SLC37A2: variants seen among roughly 807,000 people sequenced by gnomAD.
SLC37A2 encodes glucose-6-phosphate exchanger SLC37A2.
SLC37A2 carries 59 observed loss-of-function variants against 70.7 expected under a neutral mutation model. That is an observed-to-expected ratio of 0.83 (90% CI 0.68 to 1.04). SLC37A2 has a LOEUF of 1.04. SLC37A2 is among the 50% of genes least tolerant of loss of function. The pLI is 0.00. For synonymous variants in SLC37A2, 257 were observed against 262.1 expected, an observed-to-expected ratio of 0.98 and a Z score of 0.19; for missense variants, 580 against 658.1, an observed-to-expected ratio of 0.88 and a Z score of 1.30.
chr11:125,079,616 G>T (rs759266700), intron 5 of SLC37A2, 68 bp from the exon 6 acceptor site: 1 of 1,274,620 alleles, frequency 7.8e-7, no homozygotes, highest in Non-Finnish European at 1.1e-6. Context: ...TCAGCCCAGG[G>T]TGGTCAGAGC....
rs1949128520 is a variant in SLC37A2, at chr11:125,079,844, T to C, written c.527+84T>C. ...GGTCACCGTGGCCTCTGATGTAATT[T>C]CAGAGGGAAGGGTCAGAAAGCGGCC... On this transcript the variant is annotated intron_variant, in intron 6 of 17. Transcript: ENST00000403796. 4 of 1,082,564 alleles carry C rather than the reference T, an allele frequency of 3.7e-6. No individual in the cohort carries two copies. In the East Asian group the frequency reaches 7.4e-5, roughly 20 times the overall value. The allele number at this position is 1,082,564 out of a possible 1,614,324, so 67.1% of individuals were successfully genotyped here. A position where few individuals can be genotyped will look rare whatever the true frequency, so the allele number is the denominator to read the frequency against.
At chr11:125,071,410 A>C (rs1949027985) in intron 1 of SLC37A2, among the ~76,000 whole-genome samples, 2 of 152,346 alleles carry the variant, frequency 1.3e-5, no homozygotes, top group African/African-American at 2.4e-5. Context: ...TCCCTGCTGC[A>C]GCATGAAGGC....
At chr11:125,082,022 T>G in intron 9 of SLC37A2, 116 bp downstream of exon 9, 1 of 1,270,338 alleles carries the variant, frequency 7.9e-7, no homozygotes, top group South Asian at 1.5e-5. Context: ...ATAGGGGAGG[T>G]GTAAGTTGGG....
rs564025212 is a variant in SLC37A2, at chr11:125,079,140, C to G, written c.343C>G (p.Arg115Gly). Residue 115 changes from arginine to glycine, a missense_variant, in exon 5 of 18, where the codon CGT (arginine) becomes GGT (glycine). By Grantham distance (125) the Arg-to-Gly change is moderately radical. Transcript: ENST00000403796. Reference protein sequence around the residue: ...SGVFGERLPLRYYLSAGMLLS... With the variant: ...SGVFGERLPLGYYLSAGMLLS... The stretch of plus-strand genomic sequence containing the variant: ...GGTTTTTGGGGAGCGGCTTCCGCTC[C>G]GTTACTACCTCTCAGCTGGAATGCT... The G allele has an allele frequency of 1.2e-6, 2 of 1,614,208 alleles. No individual in the cohort carries two copies. The highest frequency in any genetic ancestry group is 2.2e-5 in the South Asian group (2 of 91,088).
At chr11:125,064,224 G>A (rs148416739) in intron 1 of SLC37A2, among the ~76,000 whole-genome samples, 2,242 of 152,254 alleles carry the variant, frequency 0.015, 55 homozygotes, top group African/African-American at 0.051. Flanking sequence ...GACCGGGCAT[G>A]GTGGTTCATG....
At chr11:125,081,316 TC>T in intron 7 of SLC37A2, 104 bp from the exon 8 acceptor site, 1 of 1,148,572 alleles carries the variant, frequency 8.7e-7, no homozygotes, top group Non-Finnish European at 1.2e-6. Context: ...CGGGGCTGGT[TC>T]CCGGGATGGC....
rs1949141017 is a variant in SLC37A2 at position 125,080,999 on chromosome 11, A to G, written c.694+219A>G. The stretch of plus-strand genomic sequence containing the variant: ...TTTCTGCAGGCTTAACTGAGACACC[A>G]TAGTTAAAATGCCAGGCCCACAGGA... On this transcript the variant is annotated intron_variant, in intron 7 of 17. Coordinates refer to ENST00000403796, the MANE Select transcript of SLC37A2 (RefSeq NM_001145290.2). The surrounding 1 kb of genome is among the most constrained non-coding windows in gnomAD (Gnocchi z 4.3). Among the ~76,000 whole-genome samples the G allele has an allele frequency of 6.6e-6, 1 of 152,196 alleles. No homozygotes were observed. Among genetic ancestry groups the G allele is most frequent in the South Asian group, 2.1e-4 (1 of 4,826 alleles).
rs558890234 is a variant in SLC37A2, at chr11:125,063,412, C to A, written c.45C>A (p.Phe15Leu). 6.2e-7 allele frequency: 1 copy of A among 1,611,862 alleles called. No homozygotes were observed. The highest frequency in any genetic ancestry group is 1.7e-5 in the Admixed American group (1 of 59,872). Residue 15 changes from phenylalanine (F) to leucine (L), a missense_variant, in exon 1 of 18, where the codon TTC becomes TTA. Transcript: ENST00000403796. The surrounding 1 kb of genome is among the most constrained non-coding windows in gnomAD (Gnocchi z 5.4). ...LAPGVWFFRA[F>L]SRDSWFRGLI... ...CGGGAGTCTGGTTCTTCCGGGCCTT[C>A]TCCAGGGACAGCTGGTGAGCGGGGC...
chr11:125,081,780 C>A lies in SLC37A2; in HGVS notation c.759C>A (p.Asn253Lys). 1 of 1,609,964 alleles carries A rather than the reference C, an allele frequency of 6.2e-7. No homozygotes were observed. Among genetic ancestry groups the A allele is most frequent in the East Asian group, 2.2e-5 (1 of 44,814 alleles). Reference protein sequence around the residue: ...HHGEPAENQDNPEDPGNSPCS... With the variant: ...HHGEPAENQDKPEDPGNSPCS... ...GTGAGCCAGCTGAGAACCAGGACAA[C>A]CCTGAGGACCCTGGGAACAGTCCCT... Residue 253 changes from asparagine to lysine, a missense_variant, in exon 9 of 18, where the codon AAC becomes AAA. Transcript: ENST00000403796.
intron 1 of SLC37A2, among the ~76,000 whole-genome samples, chr11:125,066,994 T>TATTTTATTTTATTTTATTTTA (rs1565393476): frequency 2.6e-5 from 4 of 152,116 alleles, no homozygotes; most frequent in African/African-American, 9.7e-5. Context: ...TATTTTATTT[T>TATTTTATTTTATTTTATTTTA]TTCGAGACAA....
Position 125,088,252 on chromosome 11 carries a change from A to G in SLC37A2, c.*118A>G. ...AGGCAAACCCTCTTTATTGAACATT[A>G]GCCAGCCCAGCCCAGACCCCAGGGC... On this transcript the variant is annotated 3_prime_UTR_variant, in exon 18 of 18. Transcript: ENST00000403796. 1 of 1,219,808 alleles carries G rather than the reference A, an allele frequency of 8.2e-7. No homozygotes were observed. The highest frequency in any genetic ancestry group is 1.2e-6 in the Non-Finnish European group (1 of 852,804). The allele number at this position is 1,219,808 out of a possible 1,614,324, so 75.6% of individuals were successfully genotyped here. A position where few individuals can be genotyped will look rare whatever the true frequency, so the allele number is the denominator to read the frequency against.
intron 1 of SLC37A2, among the ~76,000 whole-genome samples, chr11:125,067,026 T>C (rs1486239006): frequency 2.6e-5 from 4 of 151,990 alleles, no homozygotes; most frequent in Non-Finnish European, 5.9e-5. Context: ...ATCACCCAGA[T>C]TGTAGTGCAG....
At chr11:125,069,192 A>T (rs2135559720) in intron 1 of SLC37A2, among the ~76,000 whole-genome samples, 1 of 152,356 alleles carries the variant, frequency 6.6e-6, no homozygotes, top group South Asian at 2.1e-4. Flanking sequence ...GGTGAATGTT[A>T]GCTTCCCTGT....
chr11:125,087,793 C>T (rs1017005923), intron 17 of SLC37A2: 70 of 224,558 alleles, frequency 3.1e-4, no homozygotes, highest in Non-Finnish European at 1.6e-4. Flanking sequence ...CCACCACGCC[C>T]GGCTAATTTT....
chr11:125,082,225 C>T lies in SLC37A2; in HGVS notation c.886-19C>T. On this transcript the variant is annotated intron_variant, in intron 9 of 17. Coordinates refer to ENST00000403796, the MANE Select transcript of SLC37A2 (RefSeq NM_001145290.2). The stretch of plus-strand genomic sequence containing the variant: ...GACCTCTGGACCCCTTCCCATGTGC[C>T]CCCTGTTGCACTCCCCAGGGCGTGG... 6.2e-7 allele frequency: 1 copy of T among 1,612,168 alleles called. No homozygotes were observed. The highest frequency in any genetic ancestry group is 8.5e-7 in the Non-Finnish European group (1 of 1,178,336).
chr11:125,081,753 G>A lies in SLC37A2; in HGVS notation c.733-1G>A, dbSNP rs777951230. 6.3e-7 allele frequency: 1 copy of A among 1,592,406 alleles called. No homozygotes were observed. The highest frequency in any genetic ancestry group is 8.6e-7 in the Non-Finnish European group (1 of 1,168,720). ...CAGCAGGGCTCATCTCCTCTGCTCA[G>A]GGTGAGCCAGCTGAGAACCAGGACA... is the stretch of plus-strand genomic sequence containing the variant. On this transcript the variant is annotated splice_acceptor_variant, in intron 8 of 17. Transcript: ENST00000403796. LOFTEE classifies it high-confidence loss of function.
intron 17 of SLC37A2, 93 bp downstream of exon 17, chr11:125,086,111 T>C: frequency 6.5e-7 from 1 of 1,541,372 alleles, no homozygotes; most frequent in Admixed American, 1.7e-5. Flanking sequence ...AGGCTGAGGC[T>C]CGACCAGCCC....
intron 1 of SLC37A2, 74 bp from the exon 2 acceptor site, chr11:125,076,683 G>C (rs1949090447): frequency 6.5e-6 from 9 of 1,394,766 alleles, no homozygotes; most frequent in Non-Finnish European, 8.1e-6. Context: ...AGGGGACACG[G>C]GTCAGGGATG....
intron 1 of SLC37A2, among the ~76,000 whole-genome samples, chr11:125,074,075 C>G (rs1046763070): frequency 6.6e-6 from 1 of 152,184 alleles, no homozygotes; most frequent in Admixed American, 6.5e-5. Context: ...TTTCACCCTA[C>G]AGATACCCCC....
Sources: gnomAD v4.1 joint callset for allele counts (sites outside exome capture counted in the v4.1 genomes callset) on GRCh38, gnomAD v4.1.1 for gene constraint, Gnocchi (gnomAD v3.1) non-coding constraint, MANE v1.5 for transcripts, NCBI Gene and HGNC (gene_info 2026-07-23, HGNC 2026-07-21) for gene names.